SEMA3A: variants seen among roughly 807,000 people sequenced by gnomAD.
SEMA3A encodes the protein semaphorin 3A, also known as semaphorin-3A.
SEMA3A carries 29 observed loss-of-function variants against 97.9 expected under a neutral mutation model. The ratio of observed to expected loss-of-function variants is 0.30; its 90% confidence interval spans 0.22 to 0.40. The LOEUF is 0.40. Ranked by LOEUF, SEMA3A falls within the 10% of genes least tolerant of loss-of-function variation. SEMA3A has a pLI of 1.00. For synonymous variants in SEMA3A, 321 were observed against 323.7 expected (o/e 0.99, Z 0.09); for missense variants, 763 against 951.3 (o/e 0.80, Z 2.60).
chr7:84,462,208 C>T (rs927128667), intron 1 of SEMA3A, among the ~76,000 whole-genome samples: 1 of 151,706 alleles, frequency 6.6e-6, no homozygotes, highest in African/African-American at 2.4e-5. Context: ...TAAAAATATA[C>T]CTTATTACTG....
In SEMA3A at chr7:83,961,325, T is replaced by C. The variant is rs1584479759; in HGVS notation, c.*46A>G. 6.8e-7 allele frequency: 1 copy of C among 1,474,414 alleles called. No homozygotes were observed. The highest frequency in any genetic ancestry group is 1.4e-5 in the African/African-American group (1 of 71,568). The allele number at this position is 1,474,414 out of a possible 1,614,324, so 91.3% of individuals were successfully genotyped here. On this transcript the variant is annotated 3_prime_UTR_variant, in exon 17 of 17. Coordinates refer to ENST00000265362, the MANE Select transcript of SEMA3A (RefSeq NM_006080.3). The stretch of plus-strand genomic sequence containing the variant: ...ATTGCATTTGTTTTTCCAGTTATTG[T>C]CTAGGCAAGTTTCTACTTGTTTGAG...
intron 4 of SEMA3A, among the ~76,000 whole-genome samples, chr7:84,075,392 C>A (rs1307730637): frequency 1.3e-5 from 2 of 151,154 alleles, no homozygotes; most frequent in Admixed American, 6.6e-5. Flanking sequence ...CTCCTGACCT[C>A]AGGTGATCCA....
chr7:84,234,476 C>T (rs1385418900), intron 3 of SEMA3A, among the ~76,000 whole-genome samples: 1 of 152,020 alleles, frequency 6.6e-6, no homozygotes, highest in African/African-American at 2.4e-5. Flanking sequence ...GTCTTTATCT[C>T]TCTACTACAT....
intron 3 of SEMA3A, among the ~76,000 whole-genome samples, chr7:84,227,607 T>C (rs889088395): frequency 1.3e-5 from 2 of 152,102 alleles, no homozygotes; most frequent in African/African-American, 4.8e-5. Flanking sequence ...GTTTTCCCAA[T>C]AATTATGAGT....
At chr7:83,984,859 CA>C in intron 13 of SEMA3A, among the ~76,000 whole-genome samples, 1 of 151,916 alleles carries the variant, frequency 6.6e-6, no homozygotes, top group Middle Eastern at 3.4e-3. Context: ...TGGCAGTGAT[CA>C]TTTTTTTGCT....
chr7:84,365,319 G>A (rs1235028084), intron 2 of SEMA3A, among the ~76,000 whole-genome samples: 1 of 151,464 alleles, frequency 6.6e-6, no homozygotes, highest in Non-Finnish European at 1.5e-5. Flanking sequence ...TGTTCTTTTG[G>A]TGCCTTTATG....
intron 2 of SEMA3A, among the ~76,000 whole-genome samples, chr7:84,323,686 T>G (rs1801707013): frequency 6.6e-6 from 1 of 152,214 alleles, no homozygotes; most frequent in African/African-American, 2.4e-5. Flanking sequence ...GAAAGCTTAT[T>G]CTCTGATTAT....
intron 1 of SEMA3A, among the ~76,000 whole-genome samples, chr7:84,422,249 G>A (rs963414378): frequency 2.6e-5 from 4 of 151,612 alleles, no homozygotes; most frequent in African/African-American, 7.3e-5. Flanking sequence ...GTCTTGGGAG[G>A]GTGTATGTGT....
At chr7:84,331,914 G>C (rs545871849) in intron 2 of SEMA3A, among the ~76,000 whole-genome samples, 1 of 152,110 alleles carries the variant, frequency 6.6e-6, no homozygotes, top group African/African-American at 2.4e-5. Flanking sequence ...TGGCAATGAG[G>C]TATTTCCCTT....
chr7:84,377,057 T>C (rs568857252), intron 1 of SEMA3A, among the ~76,000 whole-genome samples: 20 of 152,324 alleles, frequency 1.3e-4, no homozygotes, highest in African/African-American at 3.4e-4. Context: ...CTTTGGTTGC[T>C]TGTATTTTTG....
At chr7:84,395,974 C>G (rs893864497) in intron 1 of SEMA3A, among the ~76,000 whole-genome samples, 13 of 151,954 alleles carry the variant, frequency 8.6e-5, no homozygotes, top group African/African-American at 3.1e-4. Flanking sequence ...CTGAAGGAAA[C>G]AATTCATTGC....
intron 1 of SEMA3A, among the ~76,000 whole-genome samples, chr7:84,137,329 A>T (rs1184296815): frequency 6.8e-6 from 1 of 146,726 alleles, no homozygotes; most frequent in South Asian, 2.2e-4. Context: ...TGAACCTGGG[A>T]GGTAGAGGTT....
At chr7:84,026,309 CA>C (rs983629828) in intron 6 of SEMA3A, among the ~76,000 whole-genome samples, 29 of 152,152 alleles carry the variant, frequency 1.9e-4, no homozygotes, top group Non-Finnish European at 3.2e-4. Flanking sequence ...TTTTCAGTTT[CA>C]TCTCCCATAT....
chr7:84,018,146 G>C (rs1791179595), intron 6 of SEMA3A, among the ~76,000 whole-genome samples: 1 of 152,070 alleles, frequency 6.6e-6, no homozygotes, highest in Non-Finnish European at 1.5e-5. Flanking sequence ...ATTCTGTAAA[G>C]ATGGTGTTGT....
chr7:84,299,282 ATATATC>A, intron 3 of SEMA3A, among the ~76,000 whole-genome samples: 1 of 141,954 alleles, frequency 7.0e-6, no homozygotes, highest in Non-Finnish European at 1.5e-5. Flanking sequence ...ATCTCCATAT[ATATATC>A]TATCTCCATA....
At position 84,391,407 on chromosome 7, in the gene SEMA3A, T is replaced by C. The variant is rs568362624; in HGVS notation, c.-245-19507A>G. On this transcript the variant is annotated intron_variant, in intron 1 of 3. Coordinates refer to the SEMA3A transcript ENST00000424555. ...ATGCTTGCATCAATGTGAAGAGGGA[T>C]GCTAACACGGTGGATCCTATGGAAG... Among the ~76,000 whole-genome samples the C allele has an allele frequency of 1.1e-4, 16 of 152,178 alleles. No individual in the cohort carries two copies. In the South Asian group the frequency reaches 2.7e-3, roughly 26 times the overall value.
chr7:84,188,756 C>G (rs1234410395), intron 1 of SEMA3A, among the ~76,000 whole-genome samples: 3 of 151,774 alleles, frequency 2.0e-5, no homozygotes, highest in Non-Finnish European at 2.9e-5. Context: ...ACATATCAAG[C>G]CTTATTTAAG....
chr7:84,425,233 ATT>A (rs1261401006), intron 1 of SEMA3A, among the ~76,000 whole-genome samples: 2 of 119,650 alleles, frequency 1.7e-5, no homozygotes, highest in Non-Finnish European at 3.2e-5. Flanking sequence ...ATGAATATAT[ATT>A]GATATAAATA....
At chr7:84,459,144 C>A (rs1805760429) in intron 1 of SEMA3A, among the ~76,000 whole-genome samples, 1 of 152,102 alleles carries the variant, frequency 6.6e-6, no homozygotes, top group Non-Finnish European at 1.5e-5. Flanking sequence ...ACTTTTCCAA[C>A]ATGTGACTTA....
Sources: allele counts gnomAD v4.1 joint callset (sites outside exome capture counted in the v4.1 genomes callset), GRCh38; gene constraint gnomAD v4.1.1; transcripts MANE v1.5; gene names NCBI Gene and HGNC (gene_info 2026-07-23, HGNC 2026-07-21).